Variants in PAK1 observed in about 807,000 individuals in gnomAD.
PAK1 encodes the protein serine/threonine-protein kinase PAK 1.
PAK1 carries 29 observed loss-of-function variants against 67.4 expected under a neutral mutation model. The ratio of observed to expected loss-of-function variants is 0.43; its 90% CI spans 0.32 to 0.59. The LOEUF is 0.59. Among genes scored for constraint, PAK1 ranks in the 20% least tolerant of loss-of-function variants. The pLI, the probability that PAK1 is intolerant of heterozygous loss-of-function variation, is 0.07. For missense variants in PAK1, 337 were observed against 670.7 expected (o/e 0.50, Z 5.50); for synonymous variants, 223 against 237.4 (o/e 0.94, Z 0.56).
At chr11:77,445,618 G>C (rs1413801211) in intron 1 of PAK1, among the ~76,000 whole-genome samples, 1 of 152,148 alleles carries the variant, frequency 6.6e-6, no homozygotes, top group Non-Finnish European at 1.5e-5. Context: ...TGTTGTTTTA[G>C]AATGTGATAA....
intron 1 of PAK1, among the ~76,000 whole-genome samples, chr11:77,425,822 T>C (rs971403649): frequency 2.0e-5 from 3 of 152,176 alleles, no homozygotes; most frequent in Non-Finnish European, 4.4e-5. Context: ...AATCAAGATA[T>C]TCTTAGTGCA....
At chr11:77,529,165 C>T in the PAK1 span, among the ~76,000 whole-genome samples, 36 of 152,278 alleles carry the variant, frequency 2.4e-4, no homozygotes, top group Admixed American at 3.9e-4. Flanking sequence ...CAAAAATATA[C>T]ATTTTATGAC....
In PAK1 at chr11:77,347,031, T is replaced by A. The variant is rs557764310; in HGVS notation, c.885+2208A>T. The A allele has an allele frequency of 2.5e-4, 112 of 456,178 alleles. 1 individual carries two copies. Among genetic ancestry groups the A allele is most frequent in the South Asian group, 1.7e-3 (111 of 64,568 alleles). The allele number at this position is 456,178 out of a possible 1,614,324, so 28.3% of individuals were successfully genotyped here. On this transcript the variant is annotated intron_variant, in intron 9 of 14. Coordinates refer to ENST00000356341, the MANE Select transcript of PAK1 (RefSeq NM_002576.5). ...TGGATAACCCCCAATAAGCAAGAAC[T>A]CACAAAGACTGAGAGCATCCCATGG...
chr11:77,376,445 A>C (rs967166068), intron 4 of PAK1, among the ~76,000 whole-genome samples: 39 of 152,198 alleles, frequency 2.6e-4, no homozygotes, highest in African/African-American at 8.0e-4. Context: ...AACAGGTATA[A>C]AAAATTAAGT....
At chr11:77,330,224 G>C (rs531806766) in intron 14 of PAK1, among the ~76,000 whole-genome samples, 1 of 152,250 alleles carries the variant, frequency 6.6e-6, no homozygotes, top group East Asian at 1.9e-4. Context: ...GTAATTTATA[G>C]ATTCAATGCC....
the PAK1 span, among the ~76,000 whole-genome samples, chr11:77,507,843 C>A: frequency 4.6e-5 from 7 of 152,258 alleles, no homozygotes; most frequent in Admixed American, 3.3e-4. Context: ...ATACCTTTTA[C>A]CAAACTTTTT....
the PAK1 span, among the ~76,000 whole-genome samples, chr11:77,489,159 C>G: frequency 1.3e-5 from 2 of 152,058 alleles, no homozygotes; most frequent in Non-Finnish European, 2.9e-5. Context: ...ATTTATAGTG[C>G]TGAAGGACTA....
chr11:77,385,948 T>C (rs1950398745), intron 2 of PAK1, among the ~76,000 whole-genome samples: 1 of 152,180 alleles, frequency 6.6e-6, no homozygotes, highest in East Asian at 1.9e-4. Context: ...TATAAAAAAC[T>C]GTTAGGTTTC....
chr11:77,359,043 C>T (rs1386460148), intron 5 of PAK1, 26 bp from the exon 6 acceptor site: 1 of 1,607,428 alleles, frequency 6.2e-7, no homozygotes, highest in African/African-American at 1.3e-5. Context: ...AAGCAAGATG[C>T]ATCTGGTCCA....
chr11:77,520,255 C>T, the PAK1 span, among the ~76,000 whole-genome samples: 3 of 152,190 alleles, frequency 2.0e-5, no homozygotes, highest in Admixed American at 6.5e-5. Context: ...GGATGAAGAC[C>T]ACTCTTAACT....
the PAK1 span, among the ~76,000 whole-genome samples, chr11:77,495,463 G>A: frequency 4.6e-5 from 7 of 152,066 alleles, no homozygotes; most frequent in Non-Finnish European, 7.4e-5. Context: ...AACAAAACAA[G>A]ATTCCATCTC....
At chr11:77,354,672 G>GA (rs1165189025) in intron 7 of PAK1, among the ~76,000 whole-genome samples, 4 of 152,272 alleles carry the variant, frequency 2.6e-5, no homozygotes, top group Non-Finnish European at 4.4e-5. Flanking sequence ...TTTTATGAGG[G>GA]ATCCAGAAAA....
chr11:77,333,650 A>G (rs1942144078), intron 13 of PAK1, among the ~76,000 whole-genome samples: 1 of 152,216 alleles, frequency 6.6e-6, no homozygotes, highest in Non-Finnish European at 1.5e-5. Context: ...GGAATATTAA[A>G]TGTAAGTGAA....
upstream of PAK1, chr11:77,475,154 CAATG>C (rs1402131083): frequency 1.3e-5 from 2 of 152,166 alleles, no homozygotes; most frequent in African/African-American, 4.8e-5. Context: ...TTTCCGTTCT[CAATG>C]AATGGGCCAC....
chr11:77,500,104 AAC>A, the PAK1 span, among the ~76,000 whole-genome samples: 5 of 152,332 alleles, frequency 3.3e-5, no homozygotes, highest in South Asian at 6.2e-4. Context: ...AAAATTCACA[AAC>A]ACAGAATTTG....
the PAK1 span, among the ~76,000 whole-genome samples, chr11:77,512,657 C>T: frequency 6.6e-6 from 1 of 152,300 alleles, no homozygotes. Context: ...AGGTTTCCTA[C>T]TATGCTATTA....
At chr11:77,455,923 T>G (rs1040262893) in intron 1 of PAK1, 3 of 152,096 alleles carry the variant, frequency 2.0e-5, no homozygotes, top group Admixed American at 2.0e-4. Flanking sequence ...CTCTGAAGAA[T>G]GAGGGGTATG....
intron 14 of PAK1, among the ~76,000 whole-genome samples, chr11:77,327,589 G>C (rs1242998753): frequency 1.3e-5 from 2 of 148,506 alleles, no homozygotes; most frequent in Non-Finnish European, 1.5e-5. Context: ...AATGCTGAGA[G>C]ATTTTGTCAC....
chr11:77,431,186 A>C (rs1955843195), intron 1 of PAK1, among the ~76,000 whole-genome samples: 1 of 152,120 alleles, frequency 6.6e-6, no homozygotes, highest in Non-Finnish European at 1.5e-5. Context: ...TATTTGCAAA[A>C]TTTTGCTAGT....
Sources: gnomAD v4.1 joint callset for allele counts (sites outside exome capture counted in the v4.1 genomes callset) on GRCh38, gnomAD v4.1.1 for gene constraint, MANE v1.5 for transcripts, NCBI Gene and HGNC (gene_info 2026-07-23, HGNC 2026-07-21) for gene names.